SPATA6: variants seen among roughly 807,000 people sequenced by gnomAD.
SPATA6 encodes spermatogenesis-associated protein 6.
A neutral mutation model predicts 65.3 loss-of-function variants in SPATA6; 56 were observed. That is an observed-to-expected ratio of 0.86 (90% confidence interval 0.69 to 1.07). The LOEUF (loss-of-function observed/expected upper bound fraction) is 1.07. Ranked by LOEUF, SPATA6 falls within the 50% of genes least tolerant of loss-of-function variation. SPATA6 has a pLI of 0.00. For synonymous variants in SPATA6, 199 were observed against 213.2 expected (o/e 0.93, Z 0.58); for missense variants, 590 against 594.8 (o/e 0.99, Z 0.08).
intron 10 of SPATA6, among the ~76,000 whole-genome samples, chr1:48,357,310 C>A (rs893210598): frequency 7.2e-5 from 11 of 151,916 alleles, no homozygotes; most frequent in African/African-American, 2.4e-4. Context: ...CACTTATAAC[C>A]AAAATTGAAA....
At chr1:48,313,098 G>A (rs955016163) in intron 11 of SPATA6, among the ~76,000 whole-genome samples, 1 of 152,156 alleles carries the variant, frequency 6.6e-6, no homozygotes, top group Non-Finnish European at 1.5e-5. Flanking sequence ...GGGGAGAATG[G>A]AACCAAGTTG....
chr1:48,356,513 T>TC lies in SPATA6; in HGVS notation c.1095-745_1095-744insG, dbSNP rs1214027439. Among the ~76,000 whole-genome samples the TC allele has an allele frequency of 2.1e-5, 3 of 143,434 alleles. No homozygotes were observed. In the South Asian group the frequency reaches 7.5e-4, roughly 36 times the overall value. 94.1% of individuals were successfully genotyped at this position (143,434 alleles called of 152,430 possible). Reference sequence around the variant, plus strand: ...TTTTCTTCCCAGTTTGTCCTTTCTTTTTTTTTTTTTTTTTTTTTGACACGG... The same window carrying TC: ...TTTTCTTCCCAGTTTGTCCTTTCTTTCTTTTTTTTTTTTTTTTTTGACACGG... On this transcript the variant is annotated intron_variant, in intron 10 of 12. Transcript: ENST00000371847.
At chr1:48,303,015 A>G (rs1463695120) in intron 12 of SPATA6, among the ~76,000 whole-genome samples, 2 of 152,086 alleles carry the variant, frequency 1.3e-5, no homozygotes, top group African/African-American at 4.8e-5. Flanking sequence ...TTTCAATATG[A>G]CTTCCCTAGT....
rs995843198 is a variant in SPATA6, at chr1:48,296,739, A to T, written c.*1974T>A. On this transcript the variant is annotated 3_prime_UTR_variant, in exon 13 of 13. Coordinates refer to ENST00000371847, the MANE Select transcript of SPATA6 (RefSeq NM_019073.4). ...ATAATCTACAGCCAGAGAGTAACTCAGCAATTGTGTAGTCCAGCATTTCTA... is the reference window on the plus strand; with the variant it reads ...ATAATCTACAGCCAGAGAGTAACTCTGCAATTGTGTAGTCCAGCATTTCTA... The T allele has an allele frequency of 2.0e-5, 3 of 152,168 alleles. No individual in the cohort carries two copies. Among genetic ancestry groups the T allele is most frequent in the Admixed American group, 2.0e-4 (3 of 15,262 alleles). 9.4% of individuals were successfully genotyped at this position (152,168 alleles called of 1,614,324 possible).
At chr1:48,276,981 A>G in the SPATA6 span, among the ~76,000 whole-genome samples, 1 of 151,820 alleles carries the variant, frequency 6.6e-6, no homozygotes, top group Non-Finnish European at 1.5e-5. Flanking sequence ...GTAGGTCTCT[A>G]AGAACTTCCT....
intron 8 of SPATA6, 85 bp from the exon 9 acceptor site, chr1:48,385,434 A>T: frequency 1.7e-6 from 2 of 1,196,488 alleles, no homozygotes; most frequent in Non-Finnish European, 2.4e-6. Flanking sequence ...TACAATTATA[A>T]TTCACTCAGA....
At chr1:48,445,504 C>A (rs1047378589) in intron 3 of SPATA6, among the ~76,000 whole-genome samples, 6 of 151,660 alleles carry the variant, frequency 4.0e-5, no homozygotes, top group African/African-American at 9.7e-5. Flanking sequence ...ACTAAAAATA[C>A]AAAAAATTAG....
chr1:48,283,236 T>C, the SPATA6 span, among the ~76,000 whole-genome samples: 17 of 149,218 alleles, frequency 1.1e-4, no homozygotes, highest in Non-Finnish European at 1.5e-5. Context: ...TAATGCTAAA[T>C]GACGAGTTGA....
chr1:48,275,686 A>G, the SPATA6 span, among the ~76,000 whole-genome samples: 8 of 152,154 alleles, frequency 5.3e-5, no homozygotes, highest in African/African-American at 1.9e-4. Context: ...TATGTTTAAC[A>G]TAATTGATTT....
chr1:48,360,353 C>G (rs1243033456), intron 9 of SPATA6, among the ~76,000 whole-genome samples: 1 of 151,894 alleles, frequency 6.6e-6, no homozygotes, highest in Non-Finnish European at 1.5e-5. Context: ...ACATGAGAAG[C>G]AGGGGGGTTA....
chr1:48,379,764 T>G (rs1248024059), intron 9 of SPATA6, among the ~76,000 whole-genome samples: 1 of 144,826 alleles, frequency 6.9e-6, no homozygotes, highest in African/African-American at 2.8e-5. Flanking sequence ...TTTCTCTTCT[T>G]TATTTATTTA....
intron 8 of SPATA6, among the ~76,000 whole-genome samples, chr1:48,393,663 A>G (rs932681530): frequency 6.6e-6 from 1 of 152,140 alleles, no homozygotes; most frequent in Non-Finnish European, 1.5e-5. Flanking sequence ...CCATAACAAA[A>G]TATCATGGAC....
At chr1:48,261,925 A>T in the SPATA6 span, among the ~76,000 whole-genome samples, 1 of 152,090 alleles carries the variant, frequency 6.6e-6, no homozygotes, top group African/African-American at 2.4e-5. Context: ...TGAAAACTCT[A>T]ACTTACCAGA....
intron 9 of SPATA6, among the ~76,000 whole-genome samples, chr1:48,361,823 C>G (rs530745114): frequency 6.6e-5 from 10 of 152,174 alleles, no homozygotes; most frequent in African/African-American, 2.4e-4. Context: ...GGTTTTGCTT[C>G]AACACTACCA....
In SPATA6 at chr1:48,472,034, T is replaced by C. The variant is rs1228972667; in HGVS notation, c.-26A>G. On this transcript the variant is annotated 5_prime_UTR_variant, in exon 1 of 13. Coordinates refer to ENST00000371847, the MANE Select transcript of SPATA6 (RefSeq NM_019073.4). ...CCGTGCGGGGAGGGGCGGCGGGGAG[T>C]GACCCCGGCCACGGGCCCGAGTGAG... 4.8e-6 allele frequency: 7 copies of C among 1,471,562 alleles called. No individual in the cohort carries two copies. The highest frequency in any genetic ancestry group is 2.7e-5 in the East Asian group (1 of 37,280). The allele number at this position is 1,471,562 out of a possible 1,614,324, so 91.2% of individuals were successfully genotyped here.
intron 11 of SPATA6, among the ~76,000 whole-genome samples, chr1:48,314,866 C>G (rs1343837744): frequency 6.6e-6 from 1 of 152,066 alleles, no homozygotes; most frequent in African/African-American, 2.4e-5. Flanking sequence ...GGGATATCAC[C>G]ACCGATCCGA....
chr1:48,423,927 A>G (rs2490537), intron 3 of SPATA6, among the ~76,000 whole-genome samples: 148,874 of 152,282 alleles, frequency 0.98, 72,860 homozygotes, highest in East Asian at 1. Flanking sequence ...TTTAATACAG[A>G]CAGCAATGTA....
the SPATA6 span, chr1:48,262,376 C>T: frequency 3.9e-5 from 6 of 152,036 alleles, no homozygotes; most frequent in Non-Finnish European, 7.4e-5. Flanking sequence ...TGTATGTAAA[C>T]AATGAAGAGT....
downstream of SPATA6, among the ~76,000 whole-genome samples, chr1:48,291,714 C>T (rs1378764155): frequency 2.0e-5 from 3 of 152,194 alleles, no homozygotes; most frequent in South Asian, 2.1e-4. Context: ...CCTTGGCTGT[C>T]CCAGGGAGCC....
Sources: allele counts gnomAD v4.1 joint callset (sites outside exome capture counted in the v4.1 genomes callset), GRCh38; gene constraint gnomAD v4.1.1; transcripts MANE v1.5; gene names NCBI Gene and HGNC (gene_info 2026-07-23, HGNC 2026-07-21).